INPP5A: variants seen among roughly 807,000 people sequenced by gnomAD.
INPP5A encodes inositol polyphosphate-5-phosphatase A, also known as 43 kDa inositol polyphosphate 5-phophatase.
INPP5A carries 14 observed loss-of-function variants against 65.2 expected under a neutral mutation model. The observed-to-expected ratio is 0.21, with a 90% confidence interval of 0.14 to 0.34. The LOEUF is 0.34. Among genes scored for constraint, INPP5A ranks in the 10% least tolerant of loss-of-function variants. The probability of loss-of-function intolerance (pLI) is 1.00; values close to 1 mark genes in which losing one functional copy is unlikely to be tolerated. For synonymous variants in INPP5A, 207 were observed against 208.3 expected, an observed-to-expected ratio of 0.99 and a Z score of 0.05; for missense variants, 431 against 545.6, an observed-to-expected ratio of 0.79 and a Z score of 2.09.
intron 1 of INPP5A, among the ~76,000 whole-genome samples, chr10:132,561,650 T>C (rs912077648): frequency 6.6e-6 from 1 of 152,162 alleles, no homozygotes; most frequent in Non-Finnish European, 1.5e-5. Flanking sequence ...TGTTGTCTTT[T>C]ATTCAAGATT....
intron 1 of INPP5A, among the ~76,000 whole-genome samples, chr10:132,557,320 C>T (rs1458032075): frequency 6.6e-6 from 1 of 152,256 alleles, no homozygotes; most frequent in Non-Finnish European, 1.5e-5. Context: ...GTGCTCAGTG[C>T]CGGGCAGATG....
At chr10:132,701,366 TCTG>T (rs1417119224) in intron 6 of INPP5A, among the ~76,000 whole-genome samples, 3 of 152,168 alleles carry the variant, frequency 2.0e-5, no homozygotes, top group East Asian at 3.9e-4. Context: ...GGCCGTCCCA[TCTG>T]CAGGCTCCTG....
intron 8 of INPP5A, among the ~76,000 whole-genome samples, chr10:132,711,915 TC>T (rs1217638706): frequency 6.6e-6 from 1 of 152,152 alleles, no homozygotes; most frequent in East Asian, 1.9e-4. Context: ...CTGGGAGGCT[TC>T]CTGGGGAAGA....
At position 132,545,065 on chromosome 10, in the gene INPP5A, G is replaced by A. The variant is rs767843208; in HGVS notation, c.75+6894G>A. Among the ~76,000 whole-genome samples, 13 of 152,130 alleles carry A rather than the reference G, an allele frequency of 8.5e-5. No homozygotes were observed. The highest frequency in any genetic ancestry group is 2.1e-4 in the South Asian group (1 of 4,822). ...GGTCACGTCCGTCCCTGTTGCCTGC[G>A]CTGCTCCGAGAAGCCCCACTCTGAC... On this transcript the variant is annotated intron_variant, in intron 1 of 15. Coordinates refer to ENST00000368594, the MANE Select transcript of INPP5A (RefSeq NM_005539.5). The surrounding 1 kb of genome is among the most constrained non-coding windows in gnomAD (Gnocchi z 4.6).
At chr10:132,619,680 T>A (rs1221528186) in intron 2 of INPP5A, among the ~76,000 whole-genome samples, 1 of 152,100 alleles carries the variant, frequency 6.6e-6, no homozygotes, top group East Asian at 1.9e-4. Context: ...GCACCTGGGT[T>A]TTCTTATACA....
intron 5 of INPP5A, among the ~76,000 whole-genome samples, chr10:132,694,662 GAA>G (rs1362738801): frequency 6.6e-6 from 1 of 152,090 alleles, no homozygotes; most frequent in South Asian, 2.1e-4. Flanking sequence ...GCCAGACTAA[GAA>G]AAAGAGAGAG....
At chr10:132,579,650 G>A (rs1256985496) in intron 1 of INPP5A, among the ~76,000 whole-genome samples, 1 of 152,168 alleles carries the variant, frequency 6.6e-6, no homozygotes, top group Non-Finnish European at 1.5e-5. Flanking sequence ...TGCTTCCCCG[G>A]CCATCCTGCC....
At chr10:132,590,540 G>T (rs1590851280) in intron 1 of INPP5A, among the ~76,000 whole-genome samples, 1 of 152,164 alleles carries the variant, frequency 6.6e-6, no homozygotes, top group Admixed American at 6.5e-5. Flanking sequence ...TGTCAGTGGG[G>T]CCTGCGTTCG....
chr10:132,613,176 G>A (rs757981919), intron 2 of INPP5A, among the ~76,000 whole-genome samples: 4 of 152,088 alleles, frequency 2.6e-5, no homozygotes, highest in East Asian at 3.8e-4. Flanking sequence ...AGTAGAGTTC[G>A]CCAGTGGTGC....
intron 1 of INPP5A, among the ~76,000 whole-genome samples, chr10:132,586,086 C>T (rs1435433522): frequency 6.6e-6 from 1 of 152,162 alleles, no homozygotes; most frequent in Non-Finnish European, 1.5e-5. Context: ...GACACGTCTG[C>T]CCTTTGGGAA....
rs1324854086 is a variant in INPP5A, at chr10:132,563,025, C to T, written c.75+24854C>T. 2.7e-4 allele frequency among the ~76,000 whole-genome samples: 41 copies of T among 152,174 alleles called. 1 individual carries two copies. The highest frequency in any genetic ancestry group is 2.7e-3 in the Admixed American group (41 of 15,286). ...GGAGGGCGCGGGGAGGAGGTGCCCT[C>T]ATGGGCCAGAACTGGCAGGAGGTGA... On this transcript the variant is annotated intron_variant, in intron 1 of 15. Transcript: ENST00000368594.
At chr10:132,723,672 T>G (rs1157834571) in intron 8 of INPP5A, among the ~76,000 whole-genome samples, 1 of 151,174 alleles carries the variant, frequency 6.6e-6, no homozygotes, top group Non-Finnish European at 1.5e-5. Context: ...GTGTGGGGAT[T>G]GGCCGTGTGG....
intron 1 of INPP5A, among the ~76,000 whole-genome samples, chr10:132,543,490 C>A (rs998023750): frequency 6.6e-6 from 1 of 152,234 alleles, no homozygotes; most frequent in Admixed American, 6.5e-5. Context: ...GATCGCAGCT[C>A]ACTGTAGCCT....
In INPP5A at chr10:132,768,253, C is replaced by T. The variant is rs61245460; in HGVS notation, c.977+2407C>T. Among the ~76,000 whole-genome samples the T allele has an allele frequency of 6.8e-4, 97 of 143,524 alleles. No individual in the cohort carries two copies. In the Middle Eastern group the frequency reaches 0.012, roughly 18 times the overall value. 94.2% of individuals were successfully genotyped at this position (143,524 alleles called of 152,430 possible). On this transcript the variant is annotated intron_variant, in intron 12 of 15. Coordinates refer to ENST00000368594, the MANE Select transcript of INPP5A (RefSeq NM_005539.5). The stretch of plus-strand genomic sequence containing the variant: ...ACCCTCAGCGTTCCCAGGGTGCCCA[C>T]GCGCCCAGTGGCATTCCAGAAAGAT...
chr10:132,687,000 A>G (rs1021589134), intron 4 of INPP5A, among the ~76,000 whole-genome samples: 2 of 152,208 alleles, frequency 1.3e-5, no homozygotes, highest in Non-Finnish European at 2.9e-5. Context: ...GCTGGAGTGC[A>G]GTGGCATGAT....
At chr10:132,774,421 C>T (rs920770981) in intron 12 of INPP5A, among the ~76,000 whole-genome samples, 2 of 152,186 alleles carry the variant, frequency 1.3e-5, no homozygotes, top group African/African-American at 4.8e-5. Context: ...CCCTGACGCC[C>T]ACCTGGAGAA....
chr10:132,720,265 C>G (rs1486230188), intron 8 of INPP5A, among the ~76,000 whole-genome samples: 2 of 149,834 alleles, frequency 1.3e-5, no homozygotes, highest in African/African-American at 2.5e-5. Context: ...TCTGTGGTGC[C>G]TGGGTTCTGT....
intron 5 of INPP5A, among the ~76,000 whole-genome samples, chr10:132,695,479 C>T (rs753853980): frequency 2.6e-5 from 4 of 152,154 alleles, no homozygotes; most frequent in Non-Finnish European, 5.9e-5. Context: ...CAACATCTTA[C>T]TGAAAATCTT....
intron 13 of INPP5A, among the ~76,000 whole-genome samples, chr10:132,778,302 A>AT (rs57172206): frequency 0.085 from 6,216 of 72,982 alleles, 767 homozygotes; most frequent in African/African-American, 0.23. Flanking sequence ...TTTAATAATA[A>AT]TTTTTTTTTT....
Sources: gnomAD v4.1 joint callset for allele counts (sites outside exome capture counted in the v4.1 genomes callset) on GRCh38, gnomAD v4.1.1 for gene constraint, Gnocchi (gnomAD v3.1) non-coding constraint, MANE v1.5 for transcripts, NCBI Gene and HGNC (gene_info 2026-07-23, HGNC 2026-07-21) for gene names.